The following ARMH3 variants were observed in gnomAD, a reference collection of about 807,000 sequenced individuals.
The protein encoded by ARMH3 is armadillo-like helical domain-containing protein 3.
A neutral mutation model predicts 99.1 loss-of-function variants in ARMH3; 60 were observed. The ratio of observed to expected loss-of-function variants is 0.61; its 90% CI spans 0.49 to 0.75. The LOEUF (loss-of-function observed/expected upper bound fraction) is 0.75. ARMH3 is among the 30% of genes least tolerant of loss of function. ARMH3 has a pLI of 0.00. For missense variants in ARMH3, 679 were observed against 843.1 expected (o/e 0.81, Z 2.41); for synonymous variants, 285 against 292.8 (o/e 0.97, Z 0.27).
chr10:101,985,076 T>C (rs11191168), intron 19 of ARMH3, among the ~76,000 whole-genome samples: 4,220 of 128,960 alleles, frequency 0.033, 88 homozygotes, highest in African/African-American at 0.067. Context: ...TAAAAATATA[T>C]ATACACACAC....
intron 20 of ARMH3, among the ~76,000 whole-genome samples, chr10:101,965,309 A>G (rs1029648298): frequency 2.6e-5 from 4 of 152,206 alleles, no homozygotes; most frequent in Non-Finnish European, 5.9e-5. Flanking sequence ...CATTCACGTC[A>G]AAGTACACCA....
intron 22 of ARMH3, among the ~76,000 whole-genome samples, chr10:101,946,937 C>T (rs772581057): frequency 1.3e-4 from 19 of 150,920 alleles, no homozygotes; most frequent in Non-Finnish European, 2.4e-4. Flanking sequence ...ACGGTGGTGG[C>T]TCAGCACTTT....
chr10:101,891,146 T>C (rs369585171), intron 23 of ARMH3, among the ~76,000 whole-genome samples: 1 of 151,898 alleles, frequency 6.6e-6, no homozygotes, highest in African/African-American at 2.4e-5. Flanking sequence ...AATGCTGGGA[T>C]TACAGGCATG....
At position 102,013,919 on chromosome 10, in the gene ARMH3, C is replaced by A. The variant is rs757225112; in HGVS notation, c.726+49G>T. ...AAATGTACTTTCACTGAAAGTAATA[C>A]CATTGAATGCAAATAAGTAAGACAA... On this transcript the variant is annotated intron_variant, in intron 9 of 25. Coordinates refer to ENST00000370033, the MANE Select transcript of ARMH3 (RefSeq NM_024541.3). The A allele has an allele frequency of 9.7e-6, 14 of 1,438,278 alleles. No homozygotes were observed. In the Admixed American group the frequency reaches 2.5e-4, roughly 26 times the overall value. The allele number at this position is 1,438,278 out of a possible 1,614,324, so 89.1% of individuals were successfully genotyped here.
chr10:101,877,670 A>T lies in ARMH3; in HGVS notation c.1860+11742T>A, dbSNP rs80032743. On this transcript the variant is annotated intron_variant, in intron 24 of 25. Coordinates refer to ENST00000370033, the MANE Select transcript of ARMH3 (RefSeq NM_024541.3). ...GACTTTGTCTTTAAAAAAAAAAAAA[A>T]TTTTTTTAAAGCTGACAATTACTAG... is the stretch of plus-strand genomic sequence containing the variant. Among the ~76,000 whole-genome samples, 1,182 of 151,474 alleles carry T rather than the reference A, an allele frequency of 7.8e-3. 35 individuals are homozygous for T. Among genetic ancestry groups the T allele is most frequent in the Admixed American group, 0.045 (689 of 15,214 alleles).
At position 101,994,150 on chromosome 10, in the gene ARMH3, A is replaced by G. The variant is rs564659059; in HGVS notation, c.1210-547T>C. Among the ~76,000 whole-genome samples, 594 of 152,330 alleles carry G rather than the reference A, an allele frequency of 3.9e-3. 2 individuals carry two copies. Among genetic ancestry groups the G allele is most frequent in the Non-Finnish European group, 5.0e-3 (341 of 68,026 alleles). ...GACAGAAAATCAAAAACCTCTTACC[A>G]TGGATTAGTAATAAACATCCCTTGG... On this transcript the variant is annotated intron_variant, in intron 16 of 25. Transcript: ENST00000370033.
At chr10:101,969,660 T>C (rs1008120137) in intron 20 of ARMH3, among the ~76,000 whole-genome samples, 7 of 152,230 alleles carry the variant, frequency 4.6e-5, no homozygotes, top group African/African-American at 1.7e-4. Context: ...ATGTACAATT[T>C]CTTTTTCACA....
At chr10:101,914,463 G>C (rs1842992960) in intron 23 of ARMH3, among the ~76,000 whole-genome samples, 1 of 148,156 alleles carries the variant, frequency 6.7e-6, no homozygotes, top group Non-Finnish European at 1.5e-5. Context: ...GCTCCAGCCT[G>C]GGCCACAGAG....
At chr10:101,895,278 CTTT>C (rs745819768) in intron 23 of ARMH3, among the ~76,000 whole-genome samples, 3 of 131,684 alleles carry the variant, frequency 2.3e-5, no homozygotes, top group Non-Finnish European at 3.3e-5. Flanking sequence ...CGATAAAATT[CTTT>C]TTTTTTTTTT....
intron 2 of ARMH3, among the ~76,000 whole-genome samples, chr10:102,036,996 G>A (rs1453114236): frequency 1.3e-5 from 2 of 151,658 alleles, no homozygotes; most frequent in Non-Finnish European, 2.9e-5. Context: ...AGGCTGTAGT[G>A]AGCCGAGATC....
At chr10:101,867,831 CA>C (rs962399509) in intron 24 of ARMH3, among the ~76,000 whole-genome samples, 16 of 142,312 alleles carry the variant, frequency 1.1e-4, no homozygotes, top group Non-Finnish European at 1.1e-4. Context: ...GACCCCATCC[CA>C]AAAAAAAAAG....
chr10:101,968,694 G>A (rs967989989), intron 20 of ARMH3, among the ~76,000 whole-genome samples: 1 of 152,276 alleles, frequency 6.6e-6, no homozygotes, highest in South Asian at 2.1e-4. Flanking sequence ...AAACCTGTTA[G>A]AGATTCTTAT....
chr10:102,043,180 C>T (rs2136257827), intron 1 of ARMH3, among the ~76,000 whole-genome samples: 2 of 152,298 alleles, frequency 1.3e-5, no homozygotes, highest in East Asian at 3.9e-4. Flanking sequence ...TCACAACCAT[C>T]CCCCTCCTTC....
intron 23 of ARMH3, among the ~76,000 whole-genome samples, chr10:101,923,150 T>A (rs1460967260): frequency 1.3e-5 from 2 of 152,092 alleles, no homozygotes; most frequent in African/African-American, 4.8e-5. Flanking sequence ...GTAAAATTAA[T>A]CAAAACCTAC....
intron 7 of ARMH3, 46 bp downstream of exon 7, chr10:102,023,629 T>G: frequency 6.2e-7 from 1 of 1,610,320 alleles, no homozygotes; most frequent in Non-Finnish European, 8.5e-7. Context: ...AGAGAAAATT[T>G]GAAGAGGTGG....
chr10:101,854,107 C>T (rs558254329), intron 24 of ARMH3, among the ~76,000 whole-genome samples: 7 of 151,642 alleles, frequency 4.6e-5, no homozygotes, highest in Non-Finnish European at 7.4e-5. Flanking sequence ...AGCGAGACTC[C>T]GTCTCAAAAA....
chr10:102,032,456 A>G (rs1055869756), intron 4 of ARMH3, among the ~76,000 whole-genome samples: 2 of 152,198 alleles, frequency 1.3e-5, no homozygotes, highest in Admixed American at 6.5e-5. Flanking sequence ...GCTGGGGTGC[A>G]GTGGTGCAAT....
chr10:102,036,215 T>A (rs1359405175), intron 2 of ARMH3, among the ~76,000 whole-genome samples: 1 of 109,646 alleles, frequency 9.1e-6, no homozygotes, highest in East Asian at 2.8e-4. Context: ...AAGTGGGGGG[T>A]CAGCCCCCGC....
At chr10:101,861,640 G>C (rs951331501) in intron 24 of ARMH3, among the ~76,000 whole-genome samples, 3 of 146,962 alleles carry the variant, frequency 2.0e-5, no homozygotes, top group Non-Finnish European at 1.5e-5. Context: ...TGAAGCAGAA[G>C]AATTGCTTAA....
Sources: gnomAD v4.1 joint callset for allele counts (sites outside exome capture counted in the v4.1 genomes callset) on GRCh38, gnomAD v4.1.1 for gene constraint, MANE v1.5 for transcripts, NCBI Gene and HGNC (gene_info 2026-07-23, HGNC 2026-07-21) for gene names.